The following CYBA variants were observed in gnomAD, a reference collection of about 807,000 sequenced individuals.
CYBA encodes the protein cytochrome b-245 alpha chain, also known as cytochrome b-245 light chain.
Under a neutral mutation model 20.8 loss-of-function variants are expected in CYBA, and 21 were observed. The observed-to-expected ratio is 1.01, with a 90% CI of 0.72 to 1.46. CYBA has a LOEUF of 1.46. Among genes scored for constraint, CYBA ranks in the 40% most tolerant of loss-of-function variants. The pLI is 0.00. For missense variants in CYBA, 344 were observed against 287.0 expected (o/e 1.20, Z -1.43); for synonymous variants, 164 against 127.5 (o/e 1.29, Z -1.93).
Position 88,643,451 on chromosome 16 carries a change from G to C in CYBA, c.490C>G (p.Arg164Gly). ...GCCTCCTCCTCGCTGGGCTTCTTGCGGGCCTCGGCCGGGGGCCGCGGCGGG... is the reference window on the plus strand; with the variant it reads ...GCCTCCTCCTCGCTGGGCTTCTTGCCGGCCTCGGCCGGGGGCCGCGGCGGG... Reference protein sequence around the residue: ...NPPPRPPAEARKKPSEEEAAV... With the variant: ...NPPPRPPAEAGKKPSEEEAAV... Residue 164 changes from arginine to glycine, a missense_variant, in exon 6 of 6, where the codon CGC (arginine) becomes GGC (glycine). By Grantham distance (125) the Arg-to-Gly change is moderately radical. Transcript: ENST00000261623. This position sits in a 1 kb window ranked among gnomAD's most constrained non-coding sequence, Gnocchi z 4.3. 1 of 1,533,410 alleles carries C rather than the reference G, an allele frequency of 6.5e-7. No homozygotes were observed. Among genetic ancestry groups the C allele is most frequent in the South Asian group, 1.2e-5 (1 of 83,596 alleles). 95.0% of individuals were successfully genotyped at this position (1,533,410 alleles called of 1,614,324 possible).
At chr16:88,650,502 C>T in intron 1 of CYBA, 1 of 469,794 alleles carries the variant, frequency 2.1e-6, no homozygotes, top group Non-Finnish European at 4.2e-6. Context: ...AGCCCCAGGG[C>T]ATGAGCCCAT....
At position 88,650,987 on chromosome 16, in the gene CYBA, C is replaced by T. The variant is rs778594949; in HGVS notation, c.27G>A (p.Trp9Ter). 1.9e-6 allele frequency: 3 copies of T among 1,596,974 alleles called. No homozygotes were observed. Among genetic ancestry groups the T allele is most frequent in the East Asian group, 4.6e-5 (2 of 43,790 alleles). MGQIEWAM[W>*]ANEQALASGL... ...CGGACGCCAGCGCCTGTTCGTTGGC[C>T]CACATGGCCCACTCGATCTGCCCCA... Residue 9 changes from tryptophan (W) to a stop codon, truncating the protein, a stop_gained, in exon 1 of 6, where the codon TGG becomes TGA. Coordinates refer to ENST00000261623, the MANE Select transcript of CYBA (RefSeq NM_000101.4). LOFTEE classifies it high-confidence loss of function.
chr16:88,650,234 C>T (rs1238969793), intron 1 of CYBA: 7 of 386,406 alleles, frequency 1.8e-5, no homozygotes, highest in South Asian at 7.3e-5. Context: ...CCTCAGACCT[C>T]GCCTGAGCCC....
chr16:88,646,507 A>G (rs1481170297), intron 4 of CYBA: 1 of 698,282 alleles, frequency 1.4e-6, no homozygotes, highest in East Asian at 2.7e-5. Flanking sequence ...ACCCCCCAGC[A>G]GTGCATGCTG....
At position 88,643,804 on chromosome 16, in the gene CYBA, C is replaced by T. The variant is rs1005407461; in HGVS notation, c.370-233G>A. ...ATTTCTTCATGCCAGGAGTGGGGCC[C>T]GAACCCCTGGGCTTCTGGAAGATCC... On this transcript the variant is annotated intron_variant, in intron 5 of 5. Coordinates refer to ENST00000261623, the MANE Select transcript of CYBA (RefSeq NM_000101.4). This position sits in a 1 kb window ranked among gnomAD's most constrained non-coding sequence, Gnocchi z 4.3. Among the ~76,000 whole-genome samples, 1 of 152,220 alleles carries T rather than the reference C, an allele frequency of 6.6e-6. No individual in the cohort carries two copies. Among genetic ancestry groups the T allele is most frequent in the Non-Finnish European group, 1.5e-5 (1 of 68,036 alleles).
intron 1 of CYBA, among the ~76,000 whole-genome samples, chr16:88,649,470 G>T (rs1187474953): frequency 1.3e-5 from 2 of 152,198 alleles, no homozygotes; most frequent in African/African-American, 2.4e-5. Flanking sequence ...GAGGTCTGAG[G>T]ACGTATTCTG....
chr16:88,648,983 G>C (rs1468643808), intron 1 of CYBA, among the ~76,000 whole-genome samples: 1 of 148,094 alleles, frequency 6.8e-6, no homozygotes, highest in Non-Finnish European at 1.5e-5. Context: ...TGTCACCCAG[G>C]CTGGAGTTCC....
At position 88,646,838 on chromosome 16, in the gene CYBA, C is replaced by G. The variant is rs1230679835; in HGVS notation, c.204G>C (p.Trp68Cys). Residue 68 changes from tryptophan (W) to cysteine (C), a missense_variant and splice_region_variant, in exon 4 of 6, where the codon TGG becomes TGC. By Grantham distance (215) the Trp-to-Cys change is radical. Coordinates refer to ENST00000261623, the MANE Select transcript of CYBA (RefSeq NM_000101.4). ...CCACGGCGGTCATGTACTTCTGTCC[C>G]CTGGGGGAGGGAGGAAGGCGAGACG... ...KRKKGSTMER[W>C]GQKYMTAVVK... 6.2e-7 allele frequency: 1 copy of G among 1,612,890 alleles called. No homozygotes were observed. Among genetic ancestry groups the G allele is most frequent in the East Asian group, 2.2e-5 (1 of 44,876 alleles).
At chr16:88,648,373 C>T (rs554551021) in intron 1 of CYBA, among the ~76,000 whole-genome samples, 24 of 152,236 alleles carry the variant, frequency 1.6e-4, no homozygotes, top group Non-Finnish European at 2.8e-4. Flanking sequence ...AAGGACAGCC[C>T]GACCTGCAGG....
chr16:88,643,492 T>G lies in CYBA; in HGVS notation c.449A>C (p.Gln150Pro), dbSNP rs1433763453. The G allele has an allele frequency of 2.0e-6, 3 of 1,532,954 alleles. No homozygotes were observed. In the African/African-American group the frequency reaches 4.1e-5, roughly 21 times the overall value. The allele number at this position is 1,532,954 out of a possible 1,614,324, so 95.0% of individuals were successfully genotyped here. ...CCGCGGCGGGGGGTTGCTGGGCGGC[T>G]GCTTGATGGTGCCTCCGATCTGCGG... ...ERPQIGGTIKQPPSNPPPRPP... is the reference protein window; with the variant it reads ...ERPQIGGTIKPPPSNPPPRPP... Residue 150 changes from glutamine to proline, a missense_variant, in exon 6 of 6, where the codon CAG becomes CCG. Coordinates refer to ENST00000261623, the MANE Select transcript of CYBA (RefSeq NM_000101.4). The surrounding 1 kb of genome is among the most constrained non-coding windows in gnomAD (Gnocchi z 4.3).
intron 4 of CYBA, 176 bp from the exon 5 acceptor site, chr16:88,646,373 C>T (rs1907282899): frequency 1.5e-6 from 1 of 650,158 alleles, no homozygotes; most frequent in Non-Finnish European, 2.8e-6. Flanking sequence ...TTGATGTGGA[C>T]ACTAGCGGCT....
intron 5 of CYBA, chr16:88,644,842 AAG>A: frequency 5.5e-6 from 2 of 366,340 alleles, no homozygotes. Flanking sequence ...AAAGAAGAAA[AAG>A]AAAAATACAA....
At chr16:88,650,769 ACT>A (rs1335437822) in intron 1 of CYBA, 185 bp downstream of exon 1, 1 of 645,922 alleles carries the variant, frequency 1.5e-6, no homozygotes, top group Non-Finnish European at 2.8e-6. Context: ...GGGTCTCAGA[ACT>A]CCTCCTTCCA....
At chr16:88,648,826 C>G (rs1314171627) in intron 1 of CYBA, among the ~76,000 whole-genome samples, 2 of 152,028 alleles carry the variant, frequency 1.3e-5, no homozygotes, top group Non-Finnish European at 2.9e-5. Context: ...ACCACATTGG[C>G]CAGGCTGGTC....
rs66772379 is a variant in CYBA, at chr16:88,645,316, C to A, written c.369+800G>T. 0.013 allele frequency: 9,007 copies of A among 702,410 alleles called. 568 individuals are homozygous for A. The African/African-American group carries it at 0.14, about 11-fold the overall frequency. 43.5% of individuals were successfully genotyped at this position (702,410 alleles called of 1,614,324 possible). ...CAGTGAGGCTTGAAACAGAACTCCA[C>A]TTCCATACGCGGAAGGCGTACACAG... On this transcript the variant is annotated intron_variant, in intron 5 of 5. Coordinates refer to ENST00000261623, the MANE Select transcript of CYBA (RefSeq NM_000101.4).
At chr16:88,645,941 G>A (rs1230906565) in intron 5 of CYBA, 175 bp downstream of exon 5, 1 of 616,230 alleles carries the variant, frequency 1.6e-6, no homozygotes, top group Admixed American at 2.7e-5. Flanking sequence ...GCCAAAAATG[G>A]CAGCAGCAAC....
Position 88,643,457 on chromosome 16 carries a change from C to T in CYBA, c.484G>A (p.Glu162Lys), listed in dbSNP as rs780661682. 5.9e-6 allele frequency: 9 copies of T among 1,532,576 alleles called. No homozygotes were observed. Among genetic ancestry groups the T allele is most frequent in the Admixed American group, 2.0e-5 (1 of 50,636 alleles). The allele number at this position is 1,532,576 out of a possible 1,614,324, so 94.9% of individuals were successfully genotyped here. Reference sequence around the variant, plus strand: ...TCCTCGCTGGGCTTCTTGCGGGCCTCGGCCGGGGGCCGCGGCGGGGGGTTG... The same window carrying T: ...TCCTCGCTGGGCTTCTTGCGGGCCTTGGCCGGGGGCCGCGGCGGGGGGTTG... ...PSNPPPRPPA[E>K]ARKKPSEEEA... The change falls in exon 6 of 6, where the codon GAG becomes AAG. Residue 162 changes from glutamate to lysine, a missense_variant. Glu to Lys is a moderately conservative substitution (Grantham distance 56, BLOSUM62 1). Transcript: ENST00000261623. The surrounding 1 kb of genome is among the most constrained non-coding windows in gnomAD (Gnocchi z 4.3).
chr16:88,645,820 T>G (rs1042478630), intron 5 of CYBA: 3 of 552,456 alleles, frequency 5.4e-6, no homozygotes, highest in Admixed American at 3.1e-5. Flanking sequence ...TCACAGCACC[T>G]CCCTGAGCCT....
At chr16:88,650,780 C>A in intron 1 of CYBA, 176 bp downstream of exon 1, 1 of 673,592 alleles carries the variant, frequency 1.5e-6, no homozygotes, top group Non-Finnish European at 2.6e-6. Context: ...CTCCTCCTTC[C>A]AGCCCGCGGC....
Sources: gnomAD v4.1 joint callset for allele counts (sites outside exome capture counted in the v4.1 genomes callset) on GRCh38, gnomAD v4.1.1 for gene constraint, Gnocchi (gnomAD v3.1) non-coding constraint, MANE v1.5 for transcripts, NCBI Gene and HGNC (gene_info 2026-07-23, HGNC 2026-07-21) for gene names.